NINL: variants seen among roughly 807,000 people sequenced by gnomAD.
NINL encodes the protein ninein-like protein.
In NINL, 153 loss-of-function variants were observed where a neutral mutation model predicts 160.3. The observed-to-expected ratio is 0.95, with a 90% CI of 0.84 to 1.09. The LOEUF (loss-of-function observed/expected upper bound fraction) is 1.09, where lower values mean the gene tolerates loss of function less well. Ranked by LOEUF, NINL falls within the 50% of genes least tolerant of loss-of-function variation. The pLI, the probability that NINL is intolerant of heterozygous loss-of-function variation, is 0.00. For synonymous variants in NINL, 800 were observed against 734.8 expected, an observed-to-expected ratio of 1.09 and a Z score of -1.43; for missense variants, 1,829 against 1,764.0, an observed-to-expected ratio of 1.04 and a Z score of -0.66.
intron 7 of NINL, among the ~76,000 whole-genome samples, chr20:25,502,597 G>A (rs945762303): frequency 6.6e-6 from 1 of 152,220 alleles, no homozygotes; most frequent in African/African-American, 2.4e-5. Context: ...AATCCCCGAT[G>A]TTGGAGGTGG....
chr20:25,489,187 G>C, intron 13 of NINL, 57 bp downstream of exon 13: 1 of 1,490,800 alleles, frequency 6.7e-7, no homozygotes, highest in Non-Finnish European at 9.4e-7. Context: ...GACCACCTGC[G>C]TGTGGAGACC....
intron 1 of NINL, among the ~76,000 whole-genome samples, chr20:25,556,010 G>A (rs191992889): frequency 6.6e-6 from 1 of 151,836 alleles, no homozygotes; most frequent in East Asian, 2.0e-4. Context: ...GCCGGACACG[G>A]TGCCTCATGC....
At chr20:25,505,851 GTTTGCAC>G (rs2063951944) in intron 5 of NINL, among the ~76,000 whole-genome samples, 3 of 152,148 alleles carry the variant, frequency 2.0e-5, no homozygotes, top group Non-Finnish European at 2.9e-5. Context: ...TGCCACAGTT[GTTTGCAC>G]TTCACTCTGT....
At position 25,470,076 on chromosome 20, in the gene NINL, A is replaced by T; in HGVS notation, c.3268T>A (p.Ser1090Thr). The T allele has an allele frequency of 6.2e-7, 1 of 1,614,052 alleles. No homozygotes were observed. The highest frequency in any genetic ancestry group is 8.5e-7 in the Non-Finnish European group (1 of 1,179,976). Residue 1090 changes from serine (S) to threonine (T), a missense_variant, in exon 18 of 24, where the codon TCT becomes ACT. By Grantham distance (58) the Ser-to-Thr change is moderately conservative. Coordinates refer to ENST00000278886, the MANE Select transcript of NINL (RefSeq NM_025176.6). ...ENDRLEFHRL[S>T]EENTLLKNDL... ...TTTTTCAACAAAGTGTTTTCTTCAG[A>T]AAGTCTATGGAACTCCAGTCTGCGT...
At chr20:25,489,811 G>C (rs904388824) in intron 12 of NINL, 64 bp downstream of exon 12, 1,578 of 923,418 alleles carry the variant, frequency 1.7e-3, no homozygotes, top group Non-Finnish European at 2.4e-3. Context: ...GGCCACCCCC[G>C]CCACCCCCAC....
chr20:25,495,915 T>TG (rs1370297326), intron 10 of NINL, among the ~76,000 whole-genome samples: 1 of 152,074 alleles, frequency 6.6e-6, no homozygotes, highest in Non-Finnish European at 1.5e-5. Context: ...GGGAGGCTGA[T>TG]GGGGGTGGAT....
At chr20:25,530,061 A>C (rs1253389667) in intron 1 of NINL, among the ~76,000 whole-genome samples, 3 of 151,976 alleles carry the variant, frequency 2.0e-5, no homozygotes. Context: ...AAATTCCTCT[A>C]CTTTTTTTCT....
In NINL at chr20:25,462,870, G is replaced by T. The variant is rs367684092; in HGVS notation, c.3424-329C>A. On this transcript the variant is annotated intron_variant, in intron 19 of 23. Coordinates refer to ENST00000278886, the MANE Select transcript of NINL (RefSeq NM_025176.6). ...GTCTCTAGCTGTGTTGCCAAAGCTG[G>T]TCCCGAACTCCTAGCCTCAAGGGAT... 4 of 226,674 alleles carry T rather than the reference G, an allele frequency of 1.8e-5. No individual in the cohort carries two copies. The East Asian group carries it at 5.5e-4, about 31-fold the overall frequency. The allele number at this position is 226,674 out of a possible 1,614,324, so 14.0% of individuals were successfully genotyped here.
rs2065025846 is a variant in NINL at position 25,569,047 on chromosome 20, C to G, written c.-12+16408G>C. On this transcript the variant is annotated intron_variant, in intron 1 of 23. Coordinates refer to ENST00000278886, the MANE Select transcript of NINL (RefSeq NM_025176.6). ...GAGTTTCTGAGACCAGCCTGGCCAA[C>G]ATGGTAAAACCCCGTTTCTACCAAA... 2.0e-5 allele frequency among the ~76,000 whole-genome samples: 3 copies of G among 151,602 alleles called. No individual in the cohort carries two copies. The South Asian group carries it at 6.3e-4, about 32-fold the overall frequency.
Position 25,500,956 on chromosome 20 carries a change from A to C in NINL, c.916T>G (p.Cys306Gly). The C allele has an allele frequency of 6.2e-7, 1 of 1,614,212 alleles. No individual in the cohort carries two copies. Among genetic ancestry groups the C allele is most frequent in the African/African-American group, 1.3e-5 (1 of 75,074 alleles). Residue 306 changes from cysteine to glycine, a missense_variant, in exon 8 of 24, where the codon TGC (cysteine) becomes GGC (glycine). Cys to Gly is a radical substitution (Grantham distance 159). Coordinates refer to ENST00000278886, the MANE Select transcript of NINL (RefSeq NM_025176.6). ...TTTTSSLVSL[C>G]SSLRLFSSID... ...CTGGAGAAGAGGCGCAGGCTGGAGCACAGGGACACGAGGGATGAGGTTGTG... is the reference window on the plus strand; with the variant it reads ...CTGGAGAAGAGGCGCAGGCTGGAGCCCAGGGACACGAGGGATGAGGTTGTG...
intron 21 of NINL, among the ~76,000 whole-genome samples, chr20:25,459,377 C>T (rs577956082): frequency 9.2e-4 from 140 of 152,332 alleles, no homozygotes; most frequent in Non-Finnish European, 1.8e-3. Context: ...CAGGTCATCA[C>T]TGTAAAGCTC....
At chr20:25,507,942 T>C (rs1448955206) in intron 5 of NINL, among the ~76,000 whole-genome samples, 1 of 152,220 alleles carries the variant, frequency 6.6e-6, no homozygotes, top group Non-Finnish European at 1.5e-5. Flanking sequence ...GCTCTGATCC[T>C]GTACAAAGGT....
chr20:25,498,672 G>A (rs2146765300), intron 8 of NINL, among the ~76,000 whole-genome samples: 1 of 152,338 alleles, frequency 6.6e-6, no homozygotes, highest in South Asian at 2.1e-4. Context: ...CTGCTGTGGA[G>A]GCCAGGGCAC....
intron 5 of NINL, 127 bp from the exon 6 acceptor site, chr20:25,505,205 T>C: frequency 1.2e-6 from 1 of 857,380 alleles, no homozygotes; most frequent in Non-Finnish European, 1.7e-6. Flanking sequence ...TTACGCTAAG[T>C]GAAATTAGCA....
chr20:25,535,144 G>A lies in NINL; in HGVS notation c.-11-8546C>T, dbSNP rs533757192. 1.3e-4 allele frequency among the ~76,000 whole-genome samples: 20 copies of A among 152,242 alleles called. No homozygotes were observed. In the South Asian group the frequency reaches 3.5e-3, roughly 27 times the overall value. On this transcript the variant is annotated intron_variant, in intron 1 of 23. Transcript: ENST00000278886. The stretch of plus-strand genomic sequence containing the variant: ...ATGGATACGCCTAGAGGACATTAAC[G>A]CTAAGTGAAATAAGGCCGGCATAGA...
chr20:25,536,629 G>A (rs1280403410), intron 1 of NINL, among the ~76,000 whole-genome samples: 1 of 152,050 alleles, frequency 6.6e-6, no homozygotes, highest in Admixed American at 6.6e-5. Context: ...TGAGGCAAGA[G>A]AATTGCTTGA....
chr20:25,488,940 A>T (rs2063560601), intron 13 of NINL: 2 of 384,304 alleles, frequency 5.2e-6, no homozygotes, highest in East Asian at 8.6e-5. Flanking sequence ...TGCGCCCTGC[A>T]CTCCTATGTC....
chr20:25,462,578 T>A, intron 19 of NINL, 37 bp from the exon 20 acceptor site: 1 of 1,553,398 alleles, frequency 6.4e-7, no homozygotes, highest in Non-Finnish European at 8.7e-7. Context: ...AAGAAAAAAA[T>A]GTTTTTAATT....
rs753745454 is a variant in NINL at position 25,481,957 on chromosome 20, C to T, written c.1810+11G>A. ...CCTTGGGTCAGCCCCCTCCCAGGGA[C>T]GGGCTCCTACCTGCTGGGCCGAGTC... is the stretch of plus-strand genomic sequence containing the variant. On this transcript the variant is annotated intron_variant, in intron 14 of 23. Transcript: ENST00000278886. 52 of 1,594,150 alleles carry T rather than the reference C, an allele frequency of 3.3e-5. 2 individuals carry two copies. Among genetic ancestry groups the T allele is most frequent in the Middle Eastern group, 3.3e-4 (2 of 6,008 alleles).
Sources: allele counts gnomAD v4.1 joint callset (sites outside exome capture counted in the v4.1 genomes callset), GRCh38; gene constraint gnomAD v4.1.1; transcripts MANE v1.5; gene names NCBI Gene and HGNC (gene_info 2026-07-23, HGNC 2026-07-21).